SMARCB1: variants seen among roughly 807,000 people sequenced by gnomAD.
The protein encoded by SMARCB1 is SWI/SNF related BAF chromatin remodeling complex subunit B1.
In SMARCB1, 5 loss-of-function variants were observed where a neutral mutation model predicts 49.0. The ratio of observed to expected loss-of-function variants is 0.10; its 90% CI spans 0.05 to 0.21. SMARCB1 has a LOEUF of 0.21. SMARCB1 is among the 10% of genes least tolerant of loss of function. SMARCB1 has a pLI of 1.00. For synonymous variants in SMARCB1, 201 were observed against 200.1 expected (o/e 1.00, Z -0.04); for missense variants, 226 against 509.2 (o/e 0.44, Z 5.35).
At chr22:23,807,146 A>C (rs1929545409) in intron 5 of SMARCB1, among the ~76,000 whole-genome samples, 1 of 152,194 alleles carries the variant, frequency 6.6e-6, no homozygotes, top group African/African-American at 2.4e-5. Flanking sequence ...CATAGATGCC[A>C]TCTTCACCCA....
At chr22:23,810,361 CTAAAA>C (rs1351350381) in intron 5 of SMARCB1, among the ~76,000 whole-genome samples, 1 of 151,148 alleles carries the variant, frequency 6.6e-6, no homozygotes, top group African/African-American at 2.4e-5. Flanking sequence ...CCCATCTCTA[CTAAAA>C]ATACAAAAAC....
In SMARCB1 at chr22:23,837,934, C is replaced by A; in HGVS notation, c.*3754C>A. The A allele has an allele frequency of 7.1e-7, 1 of 1,408,058 alleles. No individual in the cohort carries two copies. Among genetic ancestry groups the A allele is most frequent in the South Asian group, 1.3e-5 (1 of 76,068 alleles). 87.2% of individuals were successfully genotyped at this position (1,408,058 alleles called of 1,614,324 possible). A position where few individuals can be genotyped will look rare whatever the true frequency, so the allele number is the denominator to read the frequency against. On this transcript the variant is annotated 3_prime_UTR_variant, in exon 9 of 9. Transcript: ENST00000644036. ...TCTGACTTCCCAAGACCCTGGAATTCTTCCCCTCATCTCCCCTATGTGCTA... is the reference window on the plus strand; with the variant it reads ...TCTGACTTCCCAAGACCCTGGAATTATTCCCCTCATCTCCCCTATGTGCTA...
chr22:23,829,605 G>A (rs566198140), intron 7 of SMARCB1, among the ~76,000 whole-genome samples: 1 of 152,316 alleles, frequency 6.6e-6, no homozygotes, highest in Admixed American at 6.5e-5. Context: ...TAAGCCTCAG[G>A]TTCCTTCCGA....
chr22:23,794,627 G>A lies in SMARCB1; in HGVS notation c.362+939G>A, dbSNP rs1416117155. On this transcript the variant is annotated intron_variant, in intron 3 of 8. Transcript: ENST00000644036. ...AAAAACTTAGAACCTGGCTGGGCAC[G>A]GTGGCTCACACCTGTAATCCCAGCA... Among the ~76,000 whole-genome samples, 5 of 152,108 alleles carry A rather than the reference G, an allele frequency of 3.3e-5. No individual in the cohort carries two copies. In the East Asian group the frequency reaches 7.7e-4, roughly 24 times the overall value.
intron 6 of SMARCB1, among the ~76,000 whole-genome samples, chr22:23,822,627 C>G (rs145148617): frequency 4.6e-4 from 70 of 152,374 alleles, no homozygotes; most frequent in Middle Eastern, 3.4e-3. Flanking sequence ...CCTAACTGCT[C>G]TCTGCTACAG....
At chr22:23,795,580 C>T (rs545949188) in intron 3 of SMARCB1, among the ~76,000 whole-genome samples, 16 of 151,800 alleles carry the variant, frequency 1.1e-4, no homozygotes, top group South Asian at 6.3e-4. Flanking sequence ...CACTTGGACC[C>T]GGGAGGCGGA....
chr22:23,823,843 C>T (rs1447063836), intron 6 of SMARCB1: 1 of 152,146 alleles, frequency 6.6e-6, no homozygotes, highest in Non-Finnish European at 1.5e-5. Flanking sequence ...AACCTTGTCT[C>T]TACAAAATAT....
chr22:23,833,498 G>T (rs2030777593), intron 7 of SMARCB1, 74 bp from the exon 8 acceptor site: 37 of 1,602,006 alleles, frequency 2.3e-5, no homozygotes, highest in Non-Finnish European at 3.0e-5. Context: ...GCACAGACAG[G>T]GGCCAAAGCT....
chr22:23,821,793 G>A (rs1410420632), intron 6 of SMARCB1, among the ~76,000 whole-genome samples: 8 of 151,680 alleles, frequency 5.3e-5, no homozygotes. Context: ...GGAGGTTGCA[G>A]TGAGCCAAGA....
chr22:23,835,508 G>A lies in SMARCB1; in HGVS notation c.*1328G>A. 4.1e-6 allele frequency: 4 copies of A among 985,588 alleles called. No individual in the cohort carries two copies. Among genetic ancestry groups the A allele is most frequent in the Non-Finnish European group, 4.8e-6 (4 of 830,014 alleles). 61.1% of individuals were successfully genotyped at this position (985,588 alleles called of 1,614,324 possible). A position where few individuals can be genotyped will look rare whatever the true frequency, so the allele number is the denominator to read the frequency against. ...GGTTCTTGGTCGCTGAGATGTGAGA[G>A]GAGGGCTCCTTTGAGCACATGTTAG... On this transcript the variant is annotated 3_prime_UTR_variant, in exon 9 of 9. Transcript: ENST00000644036.
rs1329468544 is a variant in SMARCB1 at position 23,834,893 on chromosome 22, C to G, written c.*713C>G. The G allele has an allele frequency of 6.2e-7, 1 of 1,612,118 alleles. No homozygotes were observed. Among genetic ancestry groups the G allele is most frequent in the South Asian group, 1.1e-5 (1 of 91,056 alleles). ...CCTGGCTCTGCTGTGTCCAGATGGT[C>G]AGGCTACTGCCAGCTGGGGCCTTGC... On this transcript the variant is annotated 3_prime_UTR_variant, in exon 9 of 9. Transcript: ENST00000644036.
At chr22:23,826,983 G>GT (rs1279343349) in intron 7 of SMARCB1, among the ~76,000 whole-genome samples, 1 of 152,232 alleles carries the variant, frequency 6.6e-6, no homozygotes, top group Non-Finnish European at 1.5e-5. Context: ...CCCTCGGGGT[G>GT]TTGCCTGGGA....
At position 23,835,527 on chromosome 22, in the gene SMARCB1, A is replaced by G. The variant is rs1240671631; in HGVS notation, c.*1347A>G. On this transcript the variant is annotated 3_prime_UTR_variant, in exon 9 of 9. Transcript: ENST00000644036. ...GTGAGAGGAGGGCTCCTTTGAGCAC[A>G]TGTTAGCATGGGACTCTTCCCAGGG... The G allele has an allele frequency of 5.1e-6, 5 of 985,404 alleles. No individual in the cohort carries two copies. In the African/African-American group the frequency reaches 5.2e-5, roughly 10 times the overall value. The allele number at this position is 985,404 out of a possible 1,614,324, so 61.0% of individuals were successfully genotyped here.
rs368887821 is a variant in SMARCB1, at chr22:23,834,866, G to A, written c.*686G>A. On this transcript the variant is annotated 3_prime_UTR_variant, in exon 9 of 9. Transcript: ENST00000644036. ...CGAGCTCTCCTGCCGTCCCTGGGCC[G>A]CCCTGGCTCTGCTGTGTCCAGATGG... 90 of 1,612,338 alleles carry A rather than the reference G, an allele frequency of 5.6e-5. No homozygotes were observed. Among genetic ancestry groups the A allele is most frequent in the African/African-American group, 9.3e-5 (7 of 74,956 alleles).
intron 7 of SMARCB1, among the ~76,000 whole-genome samples, chr22:23,829,118 A>G (rs2186370): frequency 0.69 from 104,820 of 152,128 alleles, 37,771 homozygotes; most frequent in Non-Finnish European, 0.8. Context: ...CTGATCCTGC[A>G]AAGTTACTGG....
rs576609567 is a variant in SMARCB1 at position 23,802,734 on chromosome 22, T to C, written c.501-561T>C. The C allele has an allele frequency of 1.9e-4, 42 of 218,684 alleles. 1 individual carries two copies. Among genetic ancestry groups the C allele is most frequent in the African/African-American group, 9.5e-4 (42 of 44,016 alleles). 13.5% of individuals were successfully genotyped at this position (218,684 alleles called of 1,614,324 possible). On this transcript the variant is annotated intron_variant, in intron 4 of 8. Coordinates refer to ENST00000644036, the MANE Select transcript of SMARCB1 (RefSeq NM_003073.5). ...CTGCCGGACTCTTCCCTCTTTATCT[T>C]CCCAAAGTACTCCATTGCTTGGAAT...
intron 6 of SMARCB1, chr22:23,823,831 G>A (rs947649674): frequency 6.6e-6 from 1 of 152,218 alleles, no homozygotes; most frequent in African/African-American, 2.4e-5. Flanking sequence ...GGGCCTTGTA[G>A]AAACCTTGTC....
At chr22:23,833,133 G>A (rs1247415713) in intron 7 of SMARCB1, among the ~76,000 whole-genome samples, 2 of 152,122 alleles carry the variant, frequency 1.3e-5, no homozygotes, top group Admixed American at 6.6e-5. Context: ...GCTCCCATTC[G>A]CCATCCATCC....
chr22:23,829,879 A>T (rs945786904), intron 7 of SMARCB1, among the ~76,000 whole-genome samples: 1 of 152,324 alleles, frequency 6.6e-6, no homozygotes. Context: ...AGATTTGCCT[A>T]TTCCGGGTAC....
Sources: gnomAD v4.1 joint callset for allele counts (sites outside exome capture counted in the v4.1 genomes callset) on GRCh38, gnomAD v4.1.1 for gene constraint, MANE v1.5 for transcripts, NCBI Gene and HGNC (gene_info 2026-07-23, HGNC 2026-07-21) for gene names.